Variants in ROBO1 observed in about 807,000 individuals in gnomAD.
ROBO1 encodes roundabout homolog 1.
Under a neutral mutation model 195.9 loss-of-function variants are expected in ROBO1, and 149 were observed. The ratio of observed to expected loss-of-function variants is 0.76; its 90% CI spans 0.67 to 0.87. The LOEUF is 0.87. Among genes scored for constraint, ROBO1 ranks in the 40% least tolerant of loss-of-function variants. The probability of loss-of-function intolerance (pLI) is 0.00; values close to 1 mark genes in which losing one functional copy is unlikely to be tolerated. For missense variants in ROBO1, 1,933 were observed against 2,068.3 expected (o/e 0.93, Z 1.27); for synonymous variants, 816 against 733.2 (o/e 1.11, Z -1.82).
chr3:79,275,175 A>C (rs1017016312), intron 2 of ROBO1, among the ~76,000 whole-genome samples: 7 of 152,090 alleles, frequency 4.6e-5, no homozygotes, highest in African/African-American at 1.4e-4. Context: ...AAAGACACAT[A>C]AGAAAATACA....
At chr3:78,885,518 T>C (rs2036508830) in intron 4 of ROBO1, among the ~76,000 whole-genome samples, 1 of 149,462 alleles carries the variant, frequency 6.7e-6, no homozygotes, top group South Asian at 2.2e-4. Context: ...AATTTCCATC[T>C]ATGCAAGCCA....
At chr3:79,544,845 G>A (rs1426990300) in intron 2 of ROBO1, among the ~76,000 whole-genome samples, 1 of 151,950 alleles carries the variant, frequency 6.6e-6, no homozygotes, top group Non-Finnish European at 1.5e-5. Context: ...TATTAGGCTT[G>A]GAAATTGTAT....
At chr3:79,755,714 C>T (rs927859099) in intron 1 of ROBO1, among the ~76,000 whole-genome samples, 13 of 152,140 alleles carry the variant, frequency 8.5e-5, no homozygotes, top group Admixed American at 2.0e-4. Flanking sequence ...GCACCAAGAG[C>T]AATCAGTGCT....
At chr3:79,115,127 C>T (rs2108543933) in intron 3 of ROBO1, among the ~76,000 whole-genome samples, 1 of 152,292 alleles carries the variant, frequency 6.6e-6, no homozygotes. Flanking sequence ...CCAAATCATA[C>T]AACCATCATG....
chr3:79,361,603 A>G (rs933770160), intron 2 of ROBO1, among the ~76,000 whole-genome samples: 3 of 152,098 alleles, frequency 2.0e-5, no homozygotes, highest in Non-Finnish European at 4.4e-5. Flanking sequence ...CGAAAATTTT[A>G]AATTCAATGT....
At chr3:79,676,968 C>G (rs374685137) in intron 1 of ROBO1, among the ~76,000 whole-genome samples, 1 of 151,872 alleles carries the variant, frequency 6.6e-6, no homozygotes, top group Non-Finnish European at 1.5e-5. Context: ...CTCTTGGGAA[C>G]CTTGGGATTG....
At chr3:78,837,601 T>C (rs2032852915) in intron 4 of ROBO1, among the ~76,000 whole-genome samples, 1 of 152,128 alleles carries the variant, frequency 6.6e-6, no homozygotes. Flanking sequence ...ATGGCAAAAC[T>C]ATCATTTTTT....
chr3:79,620,843 C>T (rs752952479), intron 1 of ROBO1, among the ~76,000 whole-genome samples: 7 of 152,082 alleles, frequency 4.6e-5, no homozygotes, highest in African/African-American at 7.2e-5. Context: ...CCTGTTATCA[C>T]CCACCTGTTA....
At chr3:79,092,074 A>C (rs2079488826) in intron 3 of ROBO1, among the ~76,000 whole-genome samples, 4 of 152,122 alleles carry the variant, frequency 2.6e-5, no homozygotes, top group African/African-American at 9.7e-5. Flanking sequence ...AGTGAATTGC[A>C]ATCACCTACA....
intron 1 of ROBO1, among the ~76,000 whole-genome samples, chr3:79,623,130 T>C (rs1050921356): frequency 1.4e-5 from 2 of 142,872 alleles, no homozygotes; most frequent in African/African-American, 5.7e-5. Context: ...GCAGTAACAA[T>C]GGCATCAACA....
At chr3:79,205,248 C>A (rs1285794218) in intron 2 of ROBO1, among the ~76,000 whole-genome samples, 1 of 152,114 alleles carries the variant, frequency 6.6e-6, no homozygotes, top group Non-Finnish European at 1.5e-5. Flanking sequence ...CCTTCCTCGG[C>A]CTCCCAAAGT....
In ROBO1 at chr3:79,327,104, CA is replaced by C. The variant is rs953489505; in HGVS notation, c.89-201566del. ...ATATGATTATTATTTACATTACACA[CA>C]AAAAAACAAATAGGAAGACTTAAGA... On this transcript the variant is annotated intron_variant, in intron 2 of 30. Transcript: ENST00000464233. Among the ~76,000 whole-genome samples the C allele has an allele frequency of 2.6e-5, 4 of 151,726 alleles. No homozygotes were observed. In the South Asian group the frequency reaches 8.3e-4, roughly 32 times the overall value.
chr3:78,946,174 C>A (rs1021117471), intron 3 of ROBO1, among the ~76,000 whole-genome samples: 6 of 152,018 alleles, frequency 3.9e-5, no homozygotes, highest in Non-Finnish European at 8.8e-5. Context: ...ACAGAGAACA[C>A]CACAAAGATA....
intron 2 of ROBO1, among the ~76,000 whole-genome samples, chr3:79,491,124 AC>A (rs1939430288): frequency 6.6e-6 from 1 of 152,072 alleles, no homozygotes; most frequent in Admixed American, 6.5e-5. Context: ...CAGTGAAATA[AC>A]TGCCTCCAAG....
At chr3:79,201,620 C>T (rs977425855) in intron 2 of ROBO1, among the ~76,000 whole-genome samples, 2 of 151,806 alleles carry the variant, frequency 1.3e-5, no homozygotes, top group Admixed American at 1.3e-4. Flanking sequence ...TTGGAGTTGG[C>T]CAGACCAAGT....
chr3:79,623,924 A>T (rs1386019051), intron 1 of ROBO1, among the ~76,000 whole-genome samples: 1 of 152,190 alleles, frequency 6.6e-6, no homozygotes, highest in Non-Finnish European at 1.5e-5. Flanking sequence ...AATGAAGGAA[A>T]AAATGTTAAG....
chr3:79,576,767 T>C (rs1436459426), intron 2 of ROBO1, among the ~76,000 whole-genome samples: 4 of 152,148 alleles, frequency 2.6e-5, no homozygotes, highest in Admixed American at 6.6e-5. Context: ...TGGGTACAAA[T>C]AGAAAATGAA....
chr3:79,053,822 A>G (rs1314023948), intron 3 of ROBO1, among the ~76,000 whole-genome samples: 1 of 152,114 alleles, frequency 6.6e-6, no homozygotes. Flanking sequence ...GCCAAAACAA[A>G]GAAACAAGTG....
intron 4 of ROBO1, among the ~76,000 whole-genome samples, chr3:78,766,444 A>G (rs1042050181): frequency 1.2e-4 from 18 of 152,264 alleles, no homozygotes; most frequent in Admixed American, 3.9e-4. Context: ...TAGAAGACCT[A>G]CTGATTTGTG....
Sources: gnomAD v4.1 joint callset for allele counts (sites outside exome capture counted in the v4.1 genomes callset) on GRCh38, gnomAD v4.1.1 for gene constraint, MANE v1.5 for transcripts, NCBI Gene and HGNC (gene_info 2026-07-23, HGNC 2026-07-21) for gene names.